Variants in SEMA6D observed in about 807,000 individuals in gnomAD.
SEMA6D encodes semaphorin 6D, also known as semaphorin-6D.
In SEMA6D, 35 loss-of-function variants were observed where a neutral mutation model predicts 106.6. That is an observed-to-expected ratio of 0.33 (90% CI 0.25 to 0.44). SEMA6D has a LOEUF of 0.44. SEMA6D is among the 20% of genes least tolerant of loss of function. The probability of loss-of-function intolerance (pLI) is 1.00; values close to 1 mark genes in which losing one functional copy is unlikely to be tolerated. For missense variants in SEMA6D, 1,185 were observed against 1,345.9 expected (o/e 0.88, Z 1.87); for synonymous variants, 499 against 487.7 (o/e 1.02, Z -0.31).
chr15:47,504,283 C>T lies in SEMA6D; in HGVS notation c.-87+33738C>T, dbSNP rs575290152. 1.5e-4 allele frequency among the ~76,000 whole-genome samples: 23 copies of T among 152,300 alleles called. 2 individuals are homozygous for T. The highest frequency in any genetic ancestry group is 5.5e-4 in the African/African-American group (23 of 41,582). Reference sequence around the variant, plus strand: ...CTGGGCAGACCAGCCAGCCAGGACTCATCTGAGGCTTGCTGGCTGCCTCTG... The same window carrying T: ...CTGGGCAGACCAGCCAGCCAGGACTTATCTGAGGCTTGCTGGCTGCCTCTG... On this transcript the variant is annotated intron_variant, in intron 3 of 19. Transcript: ENST00000558014.
In SEMA6D at chr15:47,711,137, G is replaced by A. The variant is rs536601768; in HGVS notation, c.-54-48608G>A. On this transcript the variant is annotated intron_variant, in intron 4 of 19. Coordinates refer to the SEMA6D transcript ENST00000558014. ...ATCCCGGCTAAAACGGTGAAACCCC[G>A]TCTCTACTAAAAATACAAAAAAATT... Among the ~76,000 whole-genome samples the A allele has an allele frequency of 2.1e-3, 325 of 151,370 alleles. 1 individual carries two copies. The highest frequency in any genetic ancestry group is 6.0e-3 in the African/African-American group (248 of 41,262).
chr15:47,488,640 T>C (rs144257031), intron 3 of SEMA6D, among the ~76,000 whole-genome samples: 1 of 152,244 alleles, frequency 6.6e-6, no homozygotes, highest in East Asian at 1.9e-4. Context: ...AGAGAAAGCC[T>C]GAGACTTGAG....
chr15:47,697,768 A>G (rs1437623042), intron 4 of SEMA6D, among the ~76,000 whole-genome samples: 1 of 152,210 alleles, frequency 6.6e-6, no homozygotes, highest in Non-Finnish European at 1.5e-5. Context: ...TTCCATCTCA[A>G]CCTGCGCCCC....
intron 1 of SEMA6D, among the ~76,000 whole-genome samples, chr15:47,245,245 G>GT (rs2033138210): frequency 6.6e-6 from 1 of 152,128 alleles, no homozygotes; most frequent in African/African-American, 2.4e-5. Flanking sequence ...TCAAATGGTA[G>GT]TTATGTCTTA....
intron 4 of SEMA6D, among the ~76,000 whole-genome samples, chr15:47,670,012 C>T (rs925774544): frequency 2.6e-5 from 4 of 152,226 alleles, no homozygotes; most frequent in African/African-American, 7.2e-5. Flanking sequence ...TGTCATTCCT[C>T]GCCTGTGGAC....
chr15:47,367,295 T>C (rs2039065829), intron 1 of SEMA6D, among the ~76,000 whole-genome samples: 1 of 152,146 alleles, frequency 6.6e-6, no homozygotes, highest in Non-Finnish European at 1.5e-5. Context: ...AAGCCTACAG[T>C]CCAGATTTCT....
At chr15:47,568,974 A>G (rs2046306626) in intron 3 of SEMA6D, among the ~76,000 whole-genome samples, 1 of 152,140 alleles carries the variant, frequency 6.6e-6, no homozygotes, top group Non-Finnish European at 1.5e-5. Flanking sequence ...CTCTATGGAA[A>G]TCCACAGACC....
intron 3 of SEMA6D, among the ~76,000 whole-genome samples, chr15:47,503,686 C>T (rs1009506355): frequency 2.3e-5 from 3 of 128,704 alleles, no homozygotes; most frequent in Non-Finnish European, 4.8e-5. Flanking sequence ...CTCTCTCTCT[C>T]TGTCACACAC....
intron 1 of SEMA6D, among the ~76,000 whole-genome samples, chr15:47,363,289 G>A (rs950524095): frequency 2.6e-5 from 4 of 152,132 alleles, no homozygotes; most frequent in Non-Finnish European, 5.9e-5. Flanking sequence ...AAGCCCCTAT[G>A]TTAAGAACAC....
intron 1 of SEMA6D, among the ~76,000 whole-genome samples, chr15:47,337,568 G>C (rs1386786547): frequency 6.6e-6 from 1 of 152,154 alleles, no homozygotes; most frequent in Admixed American, 6.5e-5. Flanking sequence ...CATTTCTTCA[G>C]ACCAAAGAAA....
chr15:47,280,268 G>T (rs1385420434), intron 1 of SEMA6D, among the ~76,000 whole-genome samples: 227 of 152,134 alleles, frequency 1.5e-3, no homozygotes, highest in African/African-American at 4.8e-3. Context: ...GAGTGTATGT[G>T]TAGAGGAATT....
intron 2 of SEMA6D, among the ~76,000 whole-genome samples, chr15:47,432,659 GTGACT>G (rs1427930259): frequency 8.0e-6 from 1 of 124,754 alleles, no homozygotes; most frequent in Non-Finnish European, 1.8e-5. Flanking sequence ...AAATGGCAAA[GTGACT>G]TGACTTGGTC....
intron 1 of SEMA6D, among the ~76,000 whole-genome samples, chr15:47,378,718 T>C (rs912264334): frequency 2.0e-5 from 3 of 152,252 alleles, no homozygotes; most frequent in Admixed American, 6.5e-5. Context: ...TTTGACTTAA[T>C]CAGTTCTGCA....
chr15:47,623,860 A>T (rs185197573), intron 4 of SEMA6D, among the ~76,000 whole-genome samples: 2 of 152,176 alleles, frequency 1.3e-5, no homozygotes, highest in African/African-American at 4.8e-5. Flanking sequence ...CCTCTCTATA[A>T]TCCATTCTTC....
intron 1 of SEMA6D, among the ~76,000 whole-genome samples, chr15:47,265,266 G>T (rs973930071): frequency 1.3e-5 from 2 of 150,828 alleles, no homozygotes; most frequent in African/African-American, 4.9e-5. Context: ...ATTTCTGGGT[G>T]GTTTTTTTAT....
chr15:47,516,805 C>G (rs12594525), intron 3 of SEMA6D, among the ~76,000 whole-genome samples: 38,580 of 152,082 alleles, frequency 0.25, 5,482 homozygotes, highest in East Asian at 0.47. Flanking sequence ...CCAAAATATT[C>G]TCCTAGAGCT....
intron 4 of SEMA6D, among the ~76,000 whole-genome samples, chr15:47,647,501 G>C (rs923046171): frequency 6.6e-6 from 1 of 152,106 alleles, no homozygotes; most frequent in Non-Finnish European, 1.5e-5. Flanking sequence ...AAATGTGTAG[G>C]TTCACATACA....
intron 1 of SEMA6D, among the ~76,000 whole-genome samples, chr15:47,185,164 C>G (rs1044120297): frequency 6.6e-6 from 1 of 152,170 alleles, no homozygotes; most frequent in African/African-American, 2.4e-5. Flanking sequence ...ACACCGCTCA[C>G]CGGGCTGTAA....
At chr15:47,326,933 T>G (rs995297591) in intron 1 of SEMA6D, among the ~76,000 whole-genome samples, 4 of 152,196 alleles carry the variant, frequency 2.6e-5, no homozygotes, top group Non-Finnish European at 5.9e-5. Context: ...ACTGTGGACA[T>G]CTGGAAGTGC....
Sources: gnomAD v4.1 joint callset for allele counts (sites outside exome capture counted in the v4.1 genomes callset) on GRCh38, gnomAD v4.1.1 for gene constraint, MANE v1.5 for transcripts, NCBI Gene and HGNC (gene_info 2026-07-23, HGNC 2026-07-21) for gene names.